The following SLIT2 variants were observed in gnomAD, a reference collection of about 807,000 sequenced individuals.
SLIT2 encodes slit guidance ligand 2.
Under a neutral mutation model 185.7 loss-of-function variants are expected in SLIT2, and 41 were observed. The ratio of observed to expected loss-of-function variants is 0.22; its 90% CI spans 0.17 to 0.29. The LOEUF (loss-of-function observed/expected upper bound fraction) is 0.29, where lower values mean the gene tolerates loss of function less well. Among genes scored for constraint, SLIT2 ranks in the 10% least tolerant of loss-of-function variants. The pLI is 1.00. For missense variants in SLIT2, 1,571 were observed against 1,909.0 expected (o/e 0.82, Z 3.30); for synonymous variants, 693 against 680.2 (o/e 1.02, Z -0.29).
chr4:20,498,130 G>A (rs1251725582), intron 9 of SLIT2, among the ~76,000 whole-genome samples: 1 of 152,086 alleles, frequency 6.6e-6, no homozygotes, highest in Non-Finnish European at 1.5e-5. Context: ...CCGAGATGGC[G>A]CCACTGGACT....
At chr4:20,391,399 G>T (rs548060244) in intron 4 of SLIT2, among the ~76,000 whole-genome samples, 1 of 152,092 alleles carries the variant, frequency 6.6e-6, no homozygotes, top group East Asian at 1.9e-4. Context: ...AGGACTGCCA[G>T]CAATTTCATT....
At chr4:20,322,134 C>G (rs1719144953) in intron 4 of SLIT2, among the ~76,000 whole-genome samples, 1 of 152,186 alleles carries the variant, frequency 6.6e-6, no homozygotes, top group Admixed American at 6.5e-5. Flanking sequence ...TTTCCTCTAT[C>G]ACCAGAACCT....
In SLIT2 at chr4:20,523,615, A is replaced by T. The variant is rs966515272; in HGVS notation, c.1131-145A>T. 3.3e-5 allele frequency: 22 copies of T among 665,116 alleles called. No individual in the cohort carries two copies. In the African/African-American group the frequency reaches 4.0e-4, roughly 12 times the overall value. The allele number at this position is 665,116 out of a possible 1,614,324, so 41.2% of individuals were successfully genotyped here. A position where few individuals can be genotyped will look rare whatever the true frequency, so the allele number is the denominator to read the frequency against. On this transcript the variant is annotated intron_variant, in intron 12 of 36. Coordinates refer to ENST00000504154, the MANE Select transcript of SLIT2 (RefSeq NM_004787.4). Reference sequence around the variant, plus strand: ...GTAAAACCCCACATCTCTAGCCTCTAATTCCTAAATTATTAAAGTTAAAAT... The same window carrying T: ...GTAAAACCCCACATCTCTAGCCTCTTATTCCTAAATTATTAAAGTTAAAAT...
intron 4 of SLIT2, among the ~76,000 whole-genome samples, chr4:20,391,431 G>A (rs1725402896): frequency 6.6e-6 from 1 of 151,906 alleles, no homozygotes; most frequent in South Asian, 2.1e-4. Flanking sequence ...TTATTCAACT[G>A]TGGAAAGATC....
chr4:20,258,031 T>C lies in SLIT2; in HGVS notation c.323+92T>C. The C allele has an allele frequency of 4.6e-6, 3 of 647,908 alleles. No individual in the cohort carries two copies. In the South Asian group the frequency reaches 6.9e-5, roughly 15 times the overall value. The allele number at this position is 647,908 out of a possible 1,614,324, so 40.1% of individuals were successfully genotyped here. ...GCATCATGTCTTCAATTTCATGTCT[T>C]AGGGTTTGAAATTTTGCAGAAAAAG... On this transcript the variant is annotated intron_variant, in intron 3 of 36. Coordinates refer to ENST00000504154, the MANE Select transcript of SLIT2 (RefSeq NM_004787.4).
chr4:20,314,182 T>G (rs1434083689), intron 4 of SLIT2, among the ~76,000 whole-genome samples: 2 of 152,134 alleles, frequency 1.3e-5, no homozygotes, highest in Non-Finnish European at 2.9e-5. Context: ...CAGCTCTCTA[T>G]TTTTTGCCTG....
intron 5 of SLIT2, among the ~76,000 whole-genome samples, chr4:20,476,509 AT>A (rs1716126832): frequency 6.6e-6 from 1 of 152,172 alleles, no homozygotes; most frequent in African/African-American, 2.4e-5. Flanking sequence ...CATAGTTATA[AT>A]AATTTTGTTG....
chr4:20,448,702 A>G (rs1712107074), intron 4 of SLIT2, among the ~76,000 whole-genome samples: 1 of 151,766 alleles, frequency 6.6e-6, no homozygotes. Context: ...CAGTGGCGTG[A>G]TCTTCGCTCA....
chr4:20,323,253 A>T (rs1206593558), intron 4 of SLIT2, among the ~76,000 whole-genome samples: 1 of 152,166 alleles, frequency 6.6e-6, no homozygotes, highest in Admixed American at 6.5e-5. Flanking sequence ...CAAGACTCTG[A>T]TATCTTGCTT....
intron 4 of SLIT2, among the ~76,000 whole-genome samples, chr4:20,354,627 T>C (rs758401948): frequency 6.6e-6 from 1 of 152,180 alleles, no homozygotes; most frequent in Non-Finnish European, 1.5e-5. Context: ...GCATGGCTTT[T>C]AAAAACTGAC....
At chr4:20,309,435 C>G (rs1577406331) in intron 4 of SLIT2, among the ~76,000 whole-genome samples, 2 of 151,848 alleles carry the variant, frequency 1.3e-5, no homozygotes. Context: ...TCCCTTTTCA[C>G]CAATTATTTT....
chr4:20,472,326 C>T (rs867707611), intron 5 of SLIT2, among the ~76,000 whole-genome samples: 4 of 43,310 alleles, frequency 9.2e-5, no homozygotes, highest in African/African-American at 4.6e-4. Flanking sequence ...ATATATATAT[C>T]TATATATAGA....
chr4:20,336,852 C>A (rs539815271), intron 4 of SLIT2, among the ~76,000 whole-genome samples: 3 of 152,070 alleles, frequency 2.0e-5, no homozygotes, highest in Non-Finnish European at 4.4e-5. Context: ...TCATTTGAAC[C>A]GCATTTGCAA....
intron 19 of SLIT2, among the ~76,000 whole-genome samples, 158 bp downstream of exon 19, chr4:20,539,742 A>T (rs984349623): frequency 2.0e-5 from 3 of 152,208 alleles, no homozygotes; most frequent in African/African-American, 4.8e-5. Context: ...TAAATTTTTT[A>T]AAAAATATTA....
intron 4 of SLIT2, among the ~76,000 whole-genome samples, chr4:20,283,846 T>C (rs1237794154): frequency 6.6e-6 from 1 of 152,196 alleles, no homozygotes; most frequent in African/African-American, 2.4e-5. Flanking sequence ...AAAGATCTAT[T>C]CTTAATCAGT....
intron 8 of SLIT2, among the ~76,000 whole-genome samples, chr4:20,490,122 A>G (rs1052189477): frequency 6.6e-6 from 1 of 152,164 alleles, no homozygotes; most frequent in African/African-American, 2.4e-5. Context: ...AAATAAATAA[A>G]TAAATAAGAC....
chr4:20,298,713 T>C (rs1324294854), intron 4 of SLIT2, among the ~76,000 whole-genome samples: 1 of 152,244 alleles, frequency 6.6e-6, no homozygotes, highest in African/African-American at 2.4e-5. Flanking sequence ...AATGAGGATA[T>C]GACAGAAACA....
intron 4 of SLIT2, among the ~76,000 whole-genome samples, chr4:20,279,773 A>C (rs1036544358): frequency 6.6e-6 from 1 of 152,112 alleles, no homozygotes; most frequent in Non-Finnish European, 1.5e-5. Context: ...GCTTCCTTTT[A>C]TCATTAAAAC....
intron 4 of SLIT2, among the ~76,000 whole-genome samples, chr4:20,279,009 A>G (rs1394620506): frequency 6.6e-6 from 1 of 152,154 alleles, no homozygotes; most frequent in Admixed American, 6.5e-5. Flanking sequence ...AATTTCATAC[A>G]TTCCTTTTTT....
Sources: allele counts gnomAD v4.1 joint callset (sites outside exome capture counted in the v4.1 genomes callset), GRCh38; gene constraint gnomAD v4.1.1; transcripts MANE v1.5; gene names NCBI Gene and HGNC (gene_info 2026-07-23, HGNC 2026-07-21).